LIPC: variants seen among roughly 807,000 people sequenced by gnomAD.
LIPC encodes hepatic triacylglycerol lipase.
LIPC carries 44 observed loss-of-function variants against 50.7 expected under a neutral mutation model. The observed-to-expected ratio is 0.87, with a 90% CI of 0.68 to 1.11. LIPC has a LOEUF of 1.11. Ranked by LOEUF, LIPC falls within the 50% of genes most tolerant of loss-of-function variation. The probability of loss-of-function intolerance (pLI) is 0.00; values close to 1 mark genes in which losing one functional copy is unlikely to be tolerated. For missense variants in LIPC, 697 were observed against 648.2 expected (o/e 1.08, Z -0.82); for synonymous variants, 271 against 256.4 (o/e 1.06, Z -0.54).
At chr15:58,472,453 G>A (rs1266811128) in intron 1 of LIPC, among the ~76,000 whole-genome samples, 2 of 151,550 alleles carry the variant, frequency 1.3e-5, no homozygotes, top group Non-Finnish European at 1.5e-5. Context: ...GCATGCGCCT[G>A]TAATCCCAAC....
At chr15:58,486,146 T>A (rs1891368960) in intron 1 of LIPC, among the ~76,000 whole-genome samples, 1 of 152,148 alleles carries the variant, frequency 6.6e-6, no homozygotes, top group South Asian at 2.1e-4. Context: ...ACGGCTCTAT[T>A]CTAACAGTGC....
At chr15:58,551,736 C>A (rs1045090678) in intron 6 of LIPC, among the ~76,000 whole-genome samples, 3 of 152,190 alleles carry the variant, frequency 2.0e-5, no homozygotes, top group South Asian at 2.1e-4. Flanking sequence ...ACAGAGAAAC[C>A]ACAATCCCCA....
intron 1 of LIPC, among the ~76,000 whole-genome samples, chr15:58,503,158 T>C (rs1373715115): frequency 3.9e-5 from 6 of 152,086 alleles, no homozygotes; most frequent in African/African-American, 1.2e-4. Context: ...ACAGTGTTGC[T>C]AATCCCATGT....
intron 1 of LIPC, among the ~76,000 whole-genome samples, chr15:58,461,233 T>A (rs1213949077): frequency 1.3e-5 from 2 of 152,224 alleles, no homozygotes; most frequent in Non-Finnish European, 2.9e-5. Context: ...ATACCAGTTA[T>A]CCCACCAAGT....
At chr15:58,568,468 A>G (rs530142397) in intron 8 of LIPC, among the ~76,000 whole-genome samples, 4 of 152,370 alleles carry the variant, frequency 2.6e-5, no homozygotes, top group South Asian at 2.1e-4. Context: ...CTGCCCCAGG[A>G]CTTTCCTTCT....
chr15:58,502,322 T>A (rs150667287), intron 1 of LIPC, among the ~76,000 whole-genome samples: 2 of 152,038 alleles, frequency 1.3e-5, no homozygotes, highest in East Asian at 3.9e-4. Context: ...GAACCCACCC[T>A]CCCCACCAGA....
At chr15:58,494,765 C>CT (rs761645549) in intron 1 of LIPC, 1 of 456,086 alleles carries the variant, frequency 2.2e-6, no homozygotes, top group Non-Finnish European at 4.4e-6. Flanking sequence ...TTATAGTTAG[C>CT]TTTTTACCTG....
At chr15:58,499,963 C>T (rs1359474603) in intron 1 of LIPC, among the ~76,000 whole-genome samples, 2 of 151,978 alleles carry the variant, frequency 1.3e-5, no homozygotes, top group African/African-American at 4.8e-5. Context: ...TTGGGGAGGT[C>T]TGATTTGGTA....
intron 6 of LIPC, among the ~76,000 whole-genome samples, chr15:58,557,748 C>T (rs1253202624): frequency 2.0e-5 from 3 of 152,172 alleles, no homozygotes; most frequent in African/African-American, 7.2e-5. Context: ...CCAATTAATA[C>T]ATATCATATT....
At chr15:58,549,058 C>T (rs1893651344) in intron 6 of LIPC, among the ~76,000 whole-genome samples, 1 of 152,196 alleles carries the variant, frequency 6.6e-6, no homozygotes, top group Admixed American at 6.5e-5. Flanking sequence ...CCCTGAGGCA[C>T]TCCCAAGACA....
In LIPC at chr15:58,548,552, G is replaced by C. The variant is rs372553692; in HGVS notation, c.1031G>C (p.Arg344Pro). Residue 344 changes from arginine (R) to proline (P), a missense_variant, in exon 6 of 9, where the codon CGA becomes CCA. Transcript: ENST00000299022. ...AGCAAGAGGCTCTTCCTCGTAACGC[G>C]AGCCCAGTCCCCCTTCAAAGGTGAG... ...SKSKRLFLVT[R>P]AQSPFKVYHY... 4.4e-6 allele frequency: 7 copies of C among 1,592,552 alleles called. No individual in the cohort carries two copies. The highest frequency in any genetic ancestry group is 3.4e-5 in the South Asian group (3 of 88,060).
At chr15:58,549,441 A>G (rs1435914836) in intron 6 of LIPC, among the ~76,000 whole-genome samples, 1 of 152,204 alleles carries the variant, frequency 6.6e-6, no homozygotes, top group Non-Finnish European at 1.5e-5. Context: ...GGAGCATTTT[A>G]CACAAAACAT....
At chr15:58,459,528 TCC>T (rs1301489214) in intron 1 of LIPC, among the ~76,000 whole-genome samples, 3 of 152,064 alleles carry the variant, frequency 2.0e-5, no homozygotes, top group Non-Finnish European at 4.4e-5. Context: ...CTGGAGGAAG[TCC>T]CACCCGCTCC....
chr15:58,464,094 C>G (rs1217214209), intron 1 of LIPC, among the ~76,000 whole-genome samples: 2 of 152,060 alleles, frequency 1.3e-5, no homozygotes, highest in Admixed American at 1.3e-4. Flanking sequence ...AAAAAATTGT[C>G]AAAAGCACTG....
At chr15:58,493,481 A>T (rs184000944) in intron 1 of LIPC, among the ~76,000 whole-genome samples, 2,271 of 91,592 alleles carry the variant, frequency 0.025, 47 homozygotes, top group South Asian at 0.061. Context: ...ATATATATAT[A>T]TTTTTTTGTG....
intron 1 of LIPC, among the ~76,000 whole-genome samples, chr15:58,506,200 G>C (rs572818097): frequency 7.9e-5 from 12 of 152,272 alleles, no homozygotes; most frequent in Admixed American, 7.2e-4. Context: ...GCTCTCCTTA[G>C]CCCAGGAGGG....
At chr15:58,465,078 A>G (rs1595871441) in intron 1 of LIPC, among the ~76,000 whole-genome samples, 1 of 152,204 alleles carries the variant, frequency 6.6e-6, no homozygotes, top group South Asian at 2.1e-4. Context: ...GCACTGGAGG[A>G]AAGAAAAGCC....
intron 6 of LIPC, 22 bp from the exon 7 acceptor site, chr15:58,560,842 C>A: frequency 1.1e-6 from 1 of 891,592 alleles, no homozygotes; most frequent in Non-Finnish European, 1.9e-6. Context: ...CTCTCTCTTT[C>A]TCTCTCTGTC....
intron 1 of LIPC, among the ~76,000 whole-genome samples, chr15:58,467,545 T>C: frequency 6.6e-6 from 1 of 152,168 alleles, no homozygotes; most frequent in Admixed American, 6.5e-5. Context: ...GTACTAGGCC[T>C]TCTGGGAAGC....
Sources: gnomAD v4.1 joint callset for allele counts (sites outside exome capture counted in the v4.1 genomes callset) on GRCh38, gnomAD v4.1.1 for gene constraint, MANE v1.5 for transcripts, NCBI Gene and HGNC (gene_info 2026-07-23, HGNC 2026-07-21) for gene names.